SGCZ: variants seen among roughly 807,000 people sequenced by gnomAD.
The protein encoded by SGCZ is sarcoglycan zeta.
Under a neutral mutation model 41.3 loss-of-function variants are expected in SGCZ, and 40 were observed. That is an observed-to-expected ratio of 0.97 (90% CI 0.75 to 1.26). The LOEUF (loss-of-function observed/expected upper bound fraction) is 1.26. Among genes scored for constraint, SGCZ ranks in the 50% most tolerant of loss-of-function variants. The pLI is 0.00. For missense variants in SGCZ, 552 were observed against 369.8 expected, an observed-to-expected ratio of 1.49 and a Z score of -4.04; for synonymous variants, 206 against 137.5, an observed-to-expected ratio of 1.50 and a Z score of -3.49.
At chr8:14,494,616 A>G (rs1283840115) in intron 2 of SGCZ, among the ~76,000 whole-genome samples, 3 of 152,158 alleles carry the variant, frequency 2.0e-5, no homozygotes. Flanking sequence ...TGTATTTTCA[A>G]TTTACCAATA....
chr8:14,802,845 C>A (rs1801370194), intron 1 of SGCZ, among the ~76,000 whole-genome samples: 1 of 152,046 alleles, frequency 6.6e-6, no homozygotes, highest in African/African-American at 2.4e-5. Flanking sequence ...TCATTAACAC[C>A]AAAGCATCCT....
intron 3 of SGCZ, among the ~76,000 whole-genome samples, chr8:14,290,478 A>G (rs1009873106): frequency 3.3e-5 from 5 of 152,104 alleles, no homozygotes; most frequent in Admixed American, 1.3e-4. Context: ...AGAAACTCAA[A>G]CAACTCAATA....
chr8:14,602,012 C>G (rs570698965), intron 1 of SGCZ, among the ~76,000 whole-genome samples: 1 of 151,780 alleles, frequency 6.6e-6, no homozygotes, highest in Non-Finnish European at 1.5e-5. Context: ...CCCAGCTACT[C>G]GGGAGGCTGA....
At chr8:14,475,353 T>C (rs1801327657) in intron 2 of SGCZ, among the ~76,000 whole-genome samples, 1 of 152,168 alleles carries the variant, frequency 6.6e-6, no homozygotes, top group African/African-American at 2.4e-5. Context: ...TAAGTAATTG[T>C]AAATATAAAT....
At chr8:14,112,971 C>A (rs192160771) in intron 5 of SGCZ, among the ~76,000 whole-genome samples, 46 of 152,120 alleles carry the variant, frequency 3.0e-4, no homozygotes, top group African/African-American at 1.1e-3. Flanking sequence ...AAAAGGATTG[C>A]TTTGAATACT....
chr8:14,419,175 A>C (rs2117300285), intron 2 of SGCZ, among the ~76,000 whole-genome samples: 1 of 152,058 alleles, frequency 6.6e-6, no homozygotes, highest in South Asian at 2.1e-4. Flanking sequence ...GATGATCTAA[A>C]ATTTACCCTA....
At chr8:14,342,174 G>A (rs1046259199) in intron 2 of SGCZ, among the ~76,000 whole-genome samples, 1 of 152,156 alleles carries the variant, frequency 6.6e-6, no homozygotes, top group African/African-American at 2.4e-5. Flanking sequence ...CTCAGATGGA[G>A]ATAAGGAACT....
At chr8:14,312,072 G>T (rs1243853384) in intron 3 of SGCZ, among the ~76,000 whole-genome samples, 1 of 151,906 alleles carries the variant, frequency 6.6e-6, no homozygotes, top group Non-Finnish European at 1.5e-5. Flanking sequence ...ATGTTTTTTT[G>T]AAGCTGTTGA....
Position 14,088,647 on chromosome 8 carries a change from A to G in SGCZ, c.*1796T>C, listed in dbSNP as rs1044577190. 1.3e-5 allele frequency among the ~76,000 whole-genome samples: 2 copies of G among 151,902 alleles called. No homozygotes were observed. The highest frequency in any genetic ancestry group is 4.8e-5 in the African/African-American group (2 of 41,426). On this transcript the variant is annotated 3_prime_UTR_variant, in exon 8 of 8. Coordinates refer to ENST00000382080, the MANE Select transcript of SGCZ (RefSeq NM_139167.4). The stretch of plus-strand genomic sequence containing the variant: ...ATATTGATTTAAAAAGTTATATAAT[A>G]ACACCCAAATATAATCACATTTTAT...
At chr8:14,958,016 C>T (rs1390445866) in intron 1 of SGCZ, among the ~76,000 whole-genome samples, 2 of 151,998 alleles carry the variant, frequency 1.3e-5, no homozygotes, top group African/African-American at 4.8e-5. Flanking sequence ...AATTAGCACA[C>T]TAAAAAGTCA....
At chr8:14,744,735 C>T (rs1161688517) in intron 1 of SGCZ, among the ~76,000 whole-genome samples, 1 of 152,088 alleles carries the variant, frequency 6.6e-6, no homozygotes, top group African/African-American at 2.4e-5. Context: ...TAAAAATGTT[C>T]AATGAGAGAT....
intron 3 of SGCZ, among the ~76,000 whole-genome samples, chr8:14,260,227 A>G (rs1799607300): frequency 6.6e-6 from 1 of 152,108 alleles, no homozygotes; most frequent in Non-Finnish European, 1.5e-5. Context: ...CAGAATCTAC[A>G]ATGAACTCAA....
intron 1 of SGCZ, among the ~76,000 whole-genome samples, chr8:14,626,623 A>AAAGATGAAATTTGAACATG (rs1233231966): frequency 6.6e-6 from 1 of 152,138 alleles, no homozygotes; most frequent in African/African-American, 2.4e-5. Context: ...GTCCTCATAA[A>AAAGATGAAATTTGAACATG]AAGATGAAAT....
intron 2 of SGCZ, among the ~76,000 whole-genome samples, chr8:14,329,580 T>C (rs1348099960): frequency 6.6e-6 from 1 of 150,410 alleles, no homozygotes; most frequent in African/African-American, 2.5e-5. Context: ...TTTATTATTT[T>C]AGTATTATGC....
chr8:15,066,974 G>C (rs1563481675), intron 1 of SGCZ, among the ~76,000 whole-genome samples: 1 of 152,064 alleles, frequency 6.6e-6, no homozygotes, highest in Non-Finnish European at 1.5e-5. Flanking sequence ...CATAAGATAG[G>C]AATAGTTAAT....
chr8:14,185,129 C>T (rs543086808), intron 4 of SGCZ, among the ~76,000 whole-genome samples: 8 of 152,192 alleles, frequency 5.3e-5, no homozygotes, highest in East Asian at 1.9e-4. Context: ...CACCCAGGCA[C>T]GGTGGCTCAC....
intron 1 of SGCZ, among the ~76,000 whole-genome samples, chr8:14,890,664 A>T (rs1804977437): frequency 6.6e-6 from 1 of 152,220 alleles, no homozygotes; most frequent in South Asian, 2.1e-4. Flanking sequence ...AGGATAATTG[A>T]TGAAAGTGGC....
chr8:14,641,714 A>C (rs1807034008), intron 1 of SGCZ, among the ~76,000 whole-genome samples: 1 of 151,708 alleles, frequency 6.6e-6, no homozygotes, highest in Admixed American at 6.6e-5. Context: ...TTGCTACAAT[A>C]ATCTTTTCTA....
intron 2 of SGCZ, among the ~76,000 whole-genome samples, chr8:14,523,080 T>C (rs1427831581): frequency 6.6e-6 from 1 of 151,986 alleles, no homozygotes; most frequent in Admixed American, 6.6e-5. Flanking sequence ...CTTACCTCCC[T>C]GTATATCCCC....
Sources: gnomAD v4.1 joint callset for allele counts (sites outside exome capture counted in the v4.1 genomes callset) on GRCh38, gnomAD v4.1.1 for gene constraint, MANE v1.5 for transcripts, NCBI Gene and HGNC (gene_info 2026-07-23, HGNC 2026-07-21) for gene names.